The following TDRD1 variants were observed in gnomAD, a reference collection of about 807,000 sequenced individuals.
TDRD1 encodes the protein tudor domain-containing protein 1.
In TDRD1, 37 loss-of-function variants were observed where a neutral mutation model predicts 140.6. That is an observed-to-expected ratio of 0.26 (90% CI 0.20 to 0.35). The LOEUF (loss-of-function observed/expected upper bound fraction) is 0.35, where lower values mean the gene tolerates loss of function less well. Among genes scored for constraint, TDRD1 ranks in the 10% least tolerant of loss-of-function variants. The pLI is 1.00. For missense variants in TDRD1, 1,243 were observed against 1,393.0 expected, an observed-to-expected ratio of 0.89 and a Z score of 1.71; for synonymous variants, 506 against 475.7, an observed-to-expected ratio of 1.06 and a Z score of -0.83.
intron 1 of TDRD1, among the ~76,000 whole-genome samples, chr10:114,183,915 T>G (rs1389237338): frequency 6.6e-6 from 1 of 152,134 alleles, no homozygotes; most frequent in Non-Finnish European, 1.5e-5. Context: ...GTGCCTTTTT[T>G]GCTATTTTGA....
rs1201372295 is a variant in TDRD1 at position 114,199,216 on chromosome 10, A to G, written c.428A>G (p.Asn143Ser). 1.9e-6 allele frequency: 3 copies of G among 1,613,928 alleles called. No homozygotes were observed. The highest frequency in any genetic ancestry group is 2.2e-5 in the East Asian group (1 of 44,884). Residue 143 changes from asparagine (N) to serine (S), a missense_variant, in exon 4 of 26, where the codon AAC becomes AGC. Coordinates refer to ENST00000251864, the Ensembl canonical transcript of TDRD1. ...CGTCCTGCAAAATCAAAAAAACTAA[A>G]CAAGTTGGTCGAGAATTCCTTGTCC...
chr10:114,211,404 G>T (rs1490741770), intron 13 of TDRD1, among the ~76,000 whole-genome samples: 2 of 152,216 alleles, frequency 1.3e-5, no homozygotes, highest in East Asian at 1.9e-4. Flanking sequence ...CGATAACCAG[G>T]TTCTGTTACT....
intron 1 of TDRD1, among the ~76,000 whole-genome samples, chr10:114,183,786 T>A (rs2033293131): frequency 1.3e-5 from 2 of 150,916 alleles, no homozygotes; most frequent in Admixed American, 1.3e-4. Context: ...CTGCAACCTC[T>A]GCCTCCCAGA....
intron 2 of TDRD1, among the ~76,000 whole-genome samples, chr10:114,190,180 A>G (rs940646474): frequency 6.6e-6 from 1 of 152,182 alleles, no homozygotes; most frequent in Non-Finnish European, 1.5e-5. Context: ...TGTTAAGCCA[A>G]TCATTAATGA....
chr10:114,196,444 T>A (rs2034354435), intron 3 of TDRD1, among the ~76,000 whole-genome samples: 1 of 152,224 alleles, frequency 6.6e-6, no homozygotes, highest in Non-Finnish European at 1.5e-5. Context: ...AAGTTTTCTT[T>A]CAGAGCTTGA....
chr10:114,181,901 G>A (rs1462036111), intron 1 of TDRD1, among the ~76,000 whole-genome samples: 2 of 151,866 alleles, frequency 1.3e-5, no homozygotes, highest in Non-Finnish European at 2.9e-5. Flanking sequence ...CAGTTGTGGT[G>A]GCTGCCTAAA....
chr10:114,231,453 G>T, intron 25 of TDRD1: 1 of 1,568,552 alleles, frequency 6.4e-7, no homozygotes, highest in Non-Finnish European at 8.7e-7. Flanking sequence ...TTTGTGTAAG[G>T]CATAATGATA....
chr10:114,182,133 A>C (rs544535150), intron 1 of TDRD1, among the ~76,000 whole-genome samples: 2 of 152,322 alleles, frequency 1.3e-5, no homozygotes, highest in African/African-American at 4.8e-5. Flanking sequence ...CGGGCTGCCA[A>C]CCCGTGTCTG....
intron 3 of TDRD1, among the ~76,000 whole-genome samples, chr10:114,198,705 G>A (rs2927513): frequency 0.47 from 71,887 of 151,996 alleles, 17,964 homozygotes; most frequent in African/African-American, 0.64. Flanking sequence ...TGCAGTGGCT[G>A]TTCACAGGCA....
At chr10:114,222,207 A>T (rs1023726116) in intron 20 of TDRD1, among the ~76,000 whole-genome samples, 12 of 152,226 alleles carry the variant, frequency 7.9e-5, no homozygotes, top group Non-Finnish European at 1.6e-4. Context: ...AACATGTTGT[A>T]TGATGAATTG....
upstream of TDRD1, among the ~76,000 whole-genome samples, chr10:114,178,306 G>A (rs1029123101): frequency 6.6e-6 from 1 of 152,320 alleles, no homozygotes; most frequent in Non-Finnish European, 1.5e-5. Context: ...AGAGCCCAGA[G>A]AATTTCTGTT....
chr10:114,206,328 A>T (rs1385069756), exon 11 of TDRD1: 2 of 1,612,420 alleles, frequency 1.2e-6, no homozygotes, highest in Non-Finnish European at 1.7e-6. Flanking sequence ...AATGCAGATC[A>T]AAGTGAGTAT....
chr10:114,192,317 T>C (rs1304349514), intron 3 of TDRD1, among the ~76,000 whole-genome samples: 1 of 133,706 alleles, frequency 7.5e-6, no homozygotes, highest in Non-Finnish European at 1.6e-5. Context: ...TTTTTTTTTT[T>C]TTTTGAGACG....
At position 114,210,761 on chromosome 10, in the gene TDRD1, T is replaced by G. The variant is rs1173741834; in HGVS notation, c.1552+13T>G. ...CTGCAAAGTGGCCGTAAGTCAGCTTTCTTGATTTGCTCTATGAAGCTAAAA... is the reference window on the plus strand; with the variant it reads ...CTGCAAAGTGGCCGTAAGTCAGCTTGCTTGATTTGCTCTATGAAGCTAAAA... On this transcript the variant is annotated intron_variant, in intron 12 of 25. Transcript: ENST00000251864. 3 of 1,608,540 alleles carry G rather than the reference T, an allele frequency of 1.9e-6. No individual in the cohort carries two copies. Among genetic ancestry groups the G allele is most frequent in the Non-Finnish European group, 2.6e-6 (3 of 1,175,454 alleles).
chr10:114,191,137 T>C (rs1258192657), intron 3 of TDRD1, 118 bp downstream of exon 3: 11 of 1,142,408 alleles, frequency 9.6e-6, no homozygotes, highest in Non-Finnish European at 1.2e-5. Flanking sequence ...GTTTTTTCTT[T>C]TATGTACATT....
At chr10:114,187,724 T>C in intron 1 of TDRD1, 102 bp from the exon 2 acceptor site, 1 of 1,086,824 alleles carries the variant, frequency 9.2e-7, no homozygotes, top group Non-Finnish European at 1.3e-6. Flanking sequence ...TTTATAGGCA[T>C]TATCTGTTAC....
intron 13 of TDRD1, 150 bp from the exon 14 acceptor site, chr10:114,211,716 T>C: frequency 2.8e-6 from 2 of 724,750 alleles, no homozygotes; most frequent in Non-Finnish European, 4.2e-6. Context: ...TGAAGGCTTC[T>C]GATAAGCAAA....
intron 2 of TDRD1, among the ~76,000 whole-genome samples, chr10:114,190,382 G>A (rs557798361): frequency 7.2e-5 from 11 of 152,088 alleles, no homozygotes; most frequent in Non-Finnish European, 1.5e-4. Context: ...AAGTGCAGAG[G>A]GTTTCTGAAA....
At chr10:114,197,998 G>A (rs1226863112) in intron 3 of TDRD1, among the ~76,000 whole-genome samples, 2 of 152,108 alleles carry the variant, frequency 1.3e-5, no homozygotes, top group Non-Finnish European at 1.5e-5. Context: ...GGCTTCCTCC[G>A]ACACTGCTCT....
Sources: allele counts gnomAD v4.1 joint callset (sites outside exome capture counted in the v4.1 genomes callset), GRCh38; gene constraint gnomAD v4.1.1; transcripts MANE v1.5; gene names NCBI Gene and HGNC (gene_info 2026-07-23, HGNC 2026-07-21).